Variants in MYSM1 observed in about 807,000 individuals in gnomAD.
MYSM1 encodes the protein Myb like, SWIRM and MPN domains 1.
A neutral mutation model predicts 116.0 loss-of-function variants in MYSM1; 51 were observed. The observed-to-expected ratio is 0.44, with a 90% CI of 0.35 to 0.56. The LOEUF is 0.56. Ranked by LOEUF, MYSM1 falls within the 20% of genes least tolerant of loss-of-function variation. The pLI is 0.00. For missense variants in MYSM1, 900 were observed against 974.9 expected, an observed-to-expected ratio of 0.92 and a Z score of 1.02; for synonymous variants, 313 against 315.2, an observed-to-expected ratio of 0.99 and a Z score of 0.07.
intron 8 of MYSM1, among the ~76,000 whole-genome samples, chr1:58,681,322 A>T (rs1472718472): frequency 6.6e-6 from 1 of 152,262 alleles, no homozygotes; most frequent in African/African-American, 2.4e-5. Context: ...TGAAGAAATT[A>T]ATAGCACATT....
Position 58,655,906 on chromosome 1 carries a change from T to A in MYSM1, c.*4091A>T, listed in dbSNP as rs1003689773. On this transcript the variant is annotated 3_prime_UTR_variant, in exon 20 of 20. Transcript: ENST00000472487. ...GGTAGAGTATAGGTGAAAAAAAAAATAAAATTTGGGCACCCTTACTGAATT... is the reference window on the plus strand; with the variant it reads ...GGTAGAGTATAGGTGAAAAAAAAAAAAAAATTTGGGCACCCTTACTGAATT... 11 of 151,846 alleles carry A rather than the reference T, an allele frequency of 7.2e-5. No homozygotes were observed. The highest frequency in any genetic ancestry group is 6.2e-4 in the South Asian group (3 of 4,804). 9.4% of individuals were successfully genotyped at this position (151,846 alleles called of 1,614,324 possible). A position where few individuals can be genotyped will look rare whatever the true frequency, so the allele number is the denominator to read the frequency against.
intron 17 of MYSM1, among the ~76,000 whole-genome samples, chr1:58,662,831 CA>C (rs1254189100): frequency 4.6e-5 from 7 of 152,140 alleles, no homozygotes; most frequent in African/African-American, 1.4e-4. Flanking sequence ...TCCTCTTCTC[CA>C]AAAACTTAAG....
chr1:58,665,428 AT>A (rs1644453365), intron 17 of MYSM1, 70 bp downstream of exon 17: 1 of 1,206,784 alleles, frequency 8.3e-7, no homozygotes, highest in Non-Finnish European at 1.2e-6. Flanking sequence ...ACAGTTGCAA[AT>A]CTTTTGATTT....
chr1:58,668,602 A>G (rs1644508712), intron 14 of MYSM1, 30 bp downstream of exon 14: 1 of 1,576,332 alleles, frequency 6.3e-7, no homozygotes, highest in South Asian at 1.2e-5. Flanking sequence ...AAATCAGAAT[A>G]ACTAAGTAAA....
At chr1:58,669,834 T>C (rs1203490483) in intron 12 of MYSM1, among the ~76,000 whole-genome samples, 2 of 9,226 alleles carry the variant, frequency 2.2e-4, no homozygotes, top group African/African-American at 3.5e-4. Context: ...AGACCCTGTC[T>C]CCAAAAAAAA....
intron 6 of MYSM1, among the ~76,000 whole-genome samples, chr1:58,687,711 A>G (rs1349171951): frequency 6.6e-6 from 1 of 152,160 alleles, no homozygotes; most frequent in East Asian, 1.9e-4. Context: ...TGAACACCAC[A>G]ACGACATCCC....
intron 2 of MYSM1, among the ~76,000 whole-genome samples, chr1:58,694,225 T>G (rs1644941192): frequency 6.6e-6 from 1 of 152,230 alleles, no homozygotes; most frequent in Non-Finnish European, 1.5e-5. Context: ...CTTAACTCCC[T>G]CTTAGAAAAT....
At chr1:58,666,576 C>CTTTTT (rs36057863) in intron 16 of MYSM1, among the ~76,000 whole-genome samples, 1 of 131,618 alleles carries the variant, frequency 7.6e-6, no homozygotes, top group East Asian at 2.2e-4. Flanking sequence ...TATTTTTTTT[C>CTTTTT]TTTTTTTTTT....
intron 1 of MYSM1, among the ~76,000 whole-genome samples, chr1:58,698,720 CA>C (rs1261373393): frequency 3.3e-5 from 5 of 152,148 alleles, no homozygotes; most frequent in African/African-American, 1.2e-4. Flanking sequence ...TAAATTAAAT[CA>C]AACATGCAAA....
intron 18 of MYSM1, 79 bp downstream of exon 18, chr1:58,661,327 T>C (rs1055019075): frequency 3.7e-5 from 50 of 1,351,668 alleles, no homozygotes; most frequent in Non-Finnish European, 4.9e-5. Flanking sequence ...CAATTTTATA[T>C]TTAACTTGGG....
chr1:58,661,786 C>T (rs1365951534), intron 17 of MYSM1, among the ~76,000 whole-genome samples: 3 of 151,946 alleles, frequency 2.0e-5, no homozygotes, highest in Non-Finnish European at 2.9e-5. Flanking sequence ...GGGATGATCA[C>T]GTAATTTATC....
At chr1:58,687,644 G>A (rs1644846607) in intron 6 of MYSM1, among the ~76,000 whole-genome samples, 1 of 151,996 alleles carries the variant, frequency 6.6e-6, no homozygotes, top group African/African-American at 2.4e-5. Flanking sequence ...ACAAACAAAG[G>A]CCCAACTAAA....
At chr1:58,698,084 C>A (rs1290735774) in intron 1 of MYSM1, among the ~76,000 whole-genome samples, 2 of 31,412 alleles carry the variant, frequency 6.4e-5, no homozygotes, top group East Asian at 7.6e-4. Context: ...ATTTATCAGA[C>A]TATATATATA....
chr1:58,676,602 T>C (rs1172815699), intron 9 of MYSM1, among the ~76,000 whole-genome samples: 1 of 152,142 alleles, frequency 6.6e-6, no homozygotes, highest in Non-Finnish European at 1.5e-5. Context: ...AATACAGTAT[T>C]TGCAAATTAA....
At chr1:58,698,098 A>ATTTTTTTTTTT (rs1386142383) in intron 1 of MYSM1, among the ~76,000 whole-genome samples, 15 of 30,234 alleles carry the variant, frequency 5.0e-4, no homozygotes, top group Admixed American at 1.1e-3. Flanking sequence ...ATATATATAT[A>ATTTTTTTTTTT]TATATTTTTT....
intron 7 of MYSM1, among the ~76,000 whole-genome samples, chr1:58,684,812 C>CA (rs1278151888): frequency 6.6e-6 from 1 of 151,974 alleles, no homozygotes; most frequent in African/African-American, 2.4e-5. Flanking sequence ...TTCTACAACA[C>CA]AAATATTTTA....
chr1:58,685,601 G>C (rs2206765), intron 6 of MYSM1, among the ~76,000 whole-genome samples: 85,400 of 151,932 alleles, frequency 0.56, 24,248 homozygotes, highest in East Asian at 0.62. Flanking sequence ...AAGGGGTACA[G>C]GTTACATTTT....
Position 58,668,691 on chromosome 1 carries a change from T to C in MYSM1, c.1717-9A>G, listed in dbSNP as rs748297740. ...TTCACCTGAAATGGCTCCTGAAATA[T>C]AAAAAACAAAACAAAACGGGGGAGC... On this transcript the variant is annotated splice_polypyrimidine_tract_variant and intron_variant, in intron 13 of 19. Transcript: ENST00000472487. 6.3e-7 allele frequency: 1 copy of C among 1,597,500 alleles called. No individual in the cohort carries two copies. The highest frequency in any genetic ancestry group is 8.5e-7 in the Non-Finnish European group (1 of 1,171,640).
chr1:58,683,435 G>A (rs1644778583), intron 7 of MYSM1, among the ~76,000 whole-genome samples: 1 of 152,080 alleles, frequency 6.6e-6, no homozygotes, highest in Admixed American at 6.5e-5. Flanking sequence ...CTTATTTAAT[G>A]AGCTTATATT....
Sources: gnomAD v4.1 joint callset for allele counts (sites outside exome capture counted in the v4.1 genomes callset) on GRCh38, gnomAD v4.1.1 for gene constraint, MANE v1.5 for transcripts, NCBI Gene and HGNC (gene_info 2026-07-23, HGNC 2026-07-21) for gene names.